Variants in SEC14L5 observed in about 807,000 individuals in gnomAD.
SEC14L5 encodes SEC14 like lipid binding 5.
In SEC14L5, 96 loss-of-function variants were observed where a neutral mutation model predicts 84.6. The ratio of observed to expected loss-of-function variants is 1.13; its 90% CI spans 0.96 to 1.34. The LOEUF is 1.34. Among genes scored for constraint, SEC14L5 ranks in the 40% most tolerant of loss-of-function variants. The probability of loss-of-function intolerance (pLI) is 0.00; values close to 1 mark genes in which losing one functional copy is unlikely to be tolerated. For synonymous variants in SEC14L5, 546 were observed against 383.4 expected, an observed-to-expected ratio of 1.42 and a Z score of -4.95; for missense variants, 1,224 against 942.5, an observed-to-expected ratio of 1.30 and a Z score of -3.91.
At chr16:5,001,707 C>T (rs1346264312) in intron 10 of SEC14L5, among the ~76,000 whole-genome samples, 1 of 152,160 alleles carries the variant, frequency 6.6e-6, no homozygotes, top group African/African-American at 2.4e-5. Context: ...GGAGCCAGTA[C>T]TTACGGTGGC....
chr16:4,995,533 C>T (rs1955599455), intron 6 of SEC14L5, among the ~76,000 whole-genome samples: 1 of 152,164 alleles, frequency 6.6e-6, no homozygotes, highest in Non-Finnish European at 1.5e-5. Flanking sequence ...TGTTTATCAG[C>T]CACCTCCTTT....
chr16:4,988,057 G>C (rs879502533), intron 3 of SEC14L5, 92 bp from the exon 4 acceptor site: 24 of 1,387,774 alleles, frequency 1.7e-5, no homozygotes, highest in Non-Finnish European at 2.3e-5. Flanking sequence ...CAGGGCAGGG[G>C]GTGACTGGGG....
intron 8 of SEC14L5, among the ~76,000 whole-genome samples, chr16:4,998,235 G>A (rs1333059517): frequency 2.6e-5 from 4 of 151,178 alleles, no homozygotes; most frequent in Non-Finnish European, 4.4e-5. Context: ...TGGAACTCCT[G>A]ACCTCAAGTG....
intron 11 of SEC14L5, among the ~76,000 whole-genome samples, chr16:5,004,534 C>T (rs191190347): frequency 6.6e-6 from 1 of 151,950 alleles, no homozygotes. Flanking sequence ...CTGGCCACCC[C>T]CAAGAGGAGG....
chr16:4,982,565 C>G (rs956815164), intron 2 of SEC14L5, among the ~76,000 whole-genome samples: 3 of 152,160 alleles, frequency 2.0e-5, no homozygotes, highest in Non-Finnish European at 4.4e-5. Context: ...AGCACAGAGC[C>G]TGGGGCTGAC....
chr16:4,980,491 C>T (rs1473851228), intron 2 of SEC14L5, among the ~76,000 whole-genome samples: 1 of 152,124 alleles, frequency 6.6e-6, no homozygotes, highest in Non-Finnish European at 1.5e-5. Flanking sequence ...TGACTGGCTG[C>T]GTGTGCTGAG....
Position 5,007,602 on chromosome 16 carries a change from CTTTCT to C in SEC14L5, c.1572+120_1572+124del, listed in dbSNP as rs1399649172. The stretch of plus-strand genomic sequence containing the variant: ...TCTTTTTTCTTTTCTTTCTTTCTTT[CTTTCT>C]TTTTTTTTTTTTTTTTGGGATGGAG... On this transcript the variant is annotated intron_variant, in intron 13 of 15. Transcript: ENST00000251170. The C allele has an allele frequency of 7.7e-4, 589 of 767,538 alleles. No homozygotes were observed. The East Asian group carries it at 9.2e-3, about 12-fold the overall frequency. The allele number at this position is 767,538 out of a possible 1,614,324, so 47.5% of individuals were successfully genotyped here.
At chr16:4,995,034 A>C (rs529682611) in intron 6 of SEC14L5, among the ~76,000 whole-genome samples, 1 of 152,062 alleles carries the variant, frequency 6.6e-6, no homozygotes, top group Non-Finnish European at 1.5e-5. Flanking sequence ...GGTCTGGACA[A>C]TTCGCCCTCT....
chr16:5,012,056 C>G (rs1177769066), intron 15 of SEC14L5, among the ~76,000 whole-genome samples: 1 of 152,200 alleles, frequency 6.6e-6, no homozygotes, highest in Non-Finnish European at 1.5e-5. Context: ...GGTGCTGAGT[C>G]TAGACCTCAA....
At chr16:4,985,707 C>G (rs1955478338) in intron 2 of SEC14L5, among the ~76,000 whole-genome samples, 1 of 151,620 alleles carries the variant, frequency 6.6e-6, no homozygotes, top group Non-Finnish European at 1.5e-5. Flanking sequence ...CCCCTTATGC[C>G]AGTATCACAC....
intron 2 of SEC14L5, among the ~76,000 whole-genome samples, chr16:4,971,000 C>CG (rs1342990359): frequency 6.7e-6 from 1 of 149,896 alleles, no homozygotes; most frequent in Non-Finnish European, 1.5e-5. Flanking sequence ...CCCAGCTACG[C>CG]GGGGGGCTGA....
At chr16:4,999,584 C>T (rs1036630700) in intron 8 of SEC14L5, among the ~76,000 whole-genome samples, 1 of 151,818 alleles carries the variant, frequency 6.6e-6, no homozygotes, top group Non-Finnish European at 1.5e-5. Flanking sequence ...CATGCCACTG[C>T]ACTCCAGCCT....
chr16:5,000,506 A>G, intron 8 of SEC14L5, 149 bp from the exon 9 acceptor site: 1 of 625,170 alleles, frequency 1.6e-6, no homozygotes, highest in Non-Finnish European at 2.8e-6. Flanking sequence ...TCTTGGAAGC[A>G]GGCAGGGTGT....
In SEC14L5 at chr16:5,011,497, A is replaced by T. The variant is rs113779121; in HGVS notation, c.1979+224A>T. Among the ~76,000 whole-genome samples the T allele has an allele frequency of 2.6e-3, 393 of 152,300 alleles. 4 individuals carry two copies. In the East Asian group the frequency reaches 0.036, roughly 14 times the overall value. ...CTTCCGAAGCAGGGATTTTCCTTCA[A>T]ATGAAACCTTGGGCAGAAGCTCAAC... is the stretch of plus-strand genomic sequence containing the variant. On this transcript the variant is annotated intron_variant, in intron 15 of 15. Coordinates refer to ENST00000251170, the MANE Select transcript of SEC14L5 (RefSeq NM_014692.2).
chr16:4,983,115 G>C (rs2142497842), intron 2 of SEC14L5, among the ~76,000 whole-genome samples: 1 of 152,144 alleles, frequency 6.6e-6, no homozygotes, highest in Non-Finnish European at 1.5e-5. Context: ...CGATTCTCCT[G>C]CCTCAGCCTC....
At chr16:4,980,606 C>A (rs953296296) in intron 2 of SEC14L5, among the ~76,000 whole-genome samples, 16 of 152,098 alleles carry the variant, frequency 1.1e-4, no homozygotes, top group Admixed American at 9.8e-4. Context: ...AAGGGTGTGC[C>A]GAGGACCAAG....
chr16:5,014,770 C>G, intron 15 of SEC14L5, 89 bp from the exon 16 acceptor site: 1 of 973,620 alleles, frequency 1.0e-6, no homozygotes, highest in Non-Finnish European at 1.6e-6. Flanking sequence ...GCCTGATTTG[C>G]AGCATCAACA....
chr16:5,006,130 G>A, intron 12 of SEC14L5, 82 bp downstream of exon 12: 3 of 1,468,944 alleles, frequency 2.0e-6, no homozygotes, highest in South Asian at 1.2e-5. Context: ...CCGGAGTGGG[G>A]CTGGGAGGTG....
At chr16:4,992,573 C>G (rs1482931164) in intron 6 of SEC14L5, among the ~76,000 whole-genome samples, 1 of 152,234 alleles carries the variant, frequency 6.6e-6, no homozygotes, top group Non-Finnish European at 1.5e-5. Flanking sequence ...ATTTCTAGAT[C>G]AGGAATTAAC....
Sources: allele counts gnomAD v4.1 joint callset (sites outside exome capture counted in the v4.1 genomes callset), GRCh38; gene constraint gnomAD v4.1.1; transcripts MANE v1.5; gene names NCBI Gene and HGNC (gene_info 2026-07-23, HGNC 2026-07-21).